Variants in SLCO1C1 observed in about 807,000 individuals in gnomAD.
SLCO1C1 encodes the protein OAT-RP-5.
Under a neutral mutation model 76.4 loss-of-function variants are expected in SLCO1C1, and 70 were observed. The observed-to-expected ratio is 0.92, with a 90% confidence interval of 0.76 to 1.12. The LOEUF (loss-of-function observed/expected upper bound fraction) is 1.12, where lower values mean the gene tolerates loss of function less well. SLCO1C1 is among the 50% of genes most tolerant of loss of function. The pLI is 0.00. For missense variants in SLCO1C1, 912 were observed against 823.8 expected (o/e 1.11, Z -1.31); for synonymous variants, 306 against 286.1 (o/e 1.07, Z -0.70).
rs150378278 is a variant in SLCO1C1 at position 20,715,198 on chromosome 12, C to T, written c.589C>T (p.Arg197Cys). ...TTATGTTTTCCTGGGCAATCTTCTTCGTGGAATAGGAGAAACTCCCATTCA... is the reference window on the plus strand; with the variant it reads ...TTATGTTTTCCTGGGCAATCTTCTTTGTGGAATAGGAGAAACTCCCATTCA... Reference protein sequence around the residue: ...WIYVFLGNLLRGIGETPIQPL... With the variant: ...WIYVFLGNLLCGIGETPIQPL... The change falls in exon 6 of 15, where the codon CGT becomes TGT. Residue 197 changes from arginine to cysteine, a missense_variant. Transcript: ENST00000266509. 5.0e-6 allele frequency: 8 copies of T among 1,614,078 alleles called. No individual in the cohort carries two copies. The African/African-American group carries it at 5.3e-5, about 11-fold the overall frequency.
Position 20,753,154 on chromosome 12 carries a change from C to T in SLCO1C1, c.*626C>T, listed in dbSNP as rs781006558. On this transcript the variant is annotated 3_prime_UTR_variant, in exon 15 of 15. Coordinates refer to ENST00000266509, the MANE Select transcript of SLCO1C1 (RefSeq NM_017435.5). ...CTCTCCTACTATTAATTTACATGTG[C>T]TTTTTGTGTGGCGCTATAAGTGACT... 2 of 152,100 alleles carry T rather than the reference C, an allele frequency of 1.3e-5. No homozygotes were observed. The highest frequency in any genetic ancestry group is 2.9e-5 in the Non-Finnish European group (2 of 68,002). 9.4% of individuals were successfully genotyped at this position (152,100 alleles called of 1,614,324 possible). A position where few individuals can be genotyped will look rare whatever the true frequency, so the allele number is the denominator to read the frequency against.
chr12:20,710,271 G>A (rs1440586380), intron 4 of SLCO1C1, among the ~76,000 whole-genome samples: 2 of 140,278 alleles, frequency 1.4e-5, no homozygotes, highest in Non-Finnish European at 3.0e-5. Context: ...GCAATGGCGC[G>A]ATCTTGGCTC....
chr12:20,699,992 C>T (rs1946446055), intron 2 of SLCO1C1: 1 of 241,934 alleles, frequency 4.1e-6, no homozygotes, highest in African/African-American at 2.2e-5. Flanking sequence ...GATATTAAGC[C>T]AAGCACAGAT....
At position 20,723,034 on chromosome 12, in the gene SLCO1C1, T is replaced by A. The variant is rs543122656; in HGVS notation, c.1022-56T>A. The A allele has an allele frequency of 2.7e-6, 4 of 1,504,246 alleles. No individual in the cohort carries two copies. In the South Asian group the frequency reaches 4.9e-5, roughly 19 times the overall value. The allele number at this position is 1,504,246 out of a possible 1,614,324, so 93.2% of individuals were successfully genotyped here. On this transcript the variant is annotated intron_variant, in intron 8 of 14. Coordinates refer to ENST00000266509, the MANE Select transcript of SLCO1C1 (RefSeq NM_017435.5). ...TGTAAGTCCTGCCAGCACGGCTACT[T>A]CTTCTTCCATGCGTGACACCAACTT... is the stretch of plus-strand genomic sequence containing the variant.
intron 9 of SLCO1C1, among the ~76,000 whole-genome samples, chr12:20,729,997 T>C (rs953468174): frequency 6.6e-6 from 1 of 152,114 alleles, no homozygotes; most frequent in African/African-American, 2.4e-5. Flanking sequence ...TCTCAGGCTA[T>C]TCTAGGCTGC....
chr12:20,704,293 A>G (rs1946673804), intron 3 of SLCO1C1, among the ~76,000 whole-genome samples: 1 of 150,782 alleles, frequency 6.6e-6, no homozygotes, highest in Admixed American at 6.6e-5. Flanking sequence ...TGTCTTGTAT[A>G]TGACATGCCC....
intron 9 of SLCO1C1, among the ~76,000 whole-genome samples, chr12:20,729,471 C>A (rs1016771961): frequency 6.6e-6 from 1 of 151,834 alleles, no homozygotes; most frequent in Non-Finnish European, 1.5e-5. Context: ...TTGGAGGGTG[C>A]GATACATAAA....
intron 9 of SLCO1C1, among the ~76,000 whole-genome samples, chr12:20,724,445 ATATATATG>A (rs1565523774): frequency 2.3e-4 from 22 of 96,504 alleles, no homozygotes; most frequent in Non-Finnish European, 3.4e-4. Flanking sequence ...ATATATATAT[ATATATATG>A]TGTGTGTGTG....
At chr12:20,714,873 A>T (rs1347267547) in intron 5 of SLCO1C1, among the ~76,000 whole-genome samples, 2 of 152,206 alleles carry the variant, frequency 1.3e-5, no homozygotes, top group Non-Finnish European at 2.9e-5. Context: ...GAATGAAATG[A>T]GAAGAAGAGA....
At chr12:20,724,819 T>C (rs1947882354) in intron 9 of SLCO1C1, among the ~76,000 whole-genome samples, 1 of 146,680 alleles carries the variant, frequency 6.8e-6, no homozygotes, top group Non-Finnish European at 1.5e-5. Context: ...TTTCAACTAA[T>C]AGTTATTTAT....
rs766199523 is a variant in SLCO1C1, at chr12:20,740,241, G to A, written c.1606G>A (p.Gly536Ser). The change falls in exon 12 of 15, where the codon GGC becomes AGC. Residue 536 changes from glycine (G) to serine (S), a missense_variant. Coordinates refer to ENST00000266509, the MANE Select transcript of SLCO1C1 (RefSeq NM_017435.5). ...AGCTTCTAAATCCGGAAATTCCTCA[G>A]GCATAGTGGGAAGATGTCAGAAAGA... ...IAASKSGNSS[G>S]IVGRCQKDNG... 28 of 1,613,696 alleles carry A rather than the reference G, an allele frequency of 1.7e-5. No individual in the cohort carries two copies. The highest frequency in any genetic ancestry group is 2.3e-5 in the Non-Finnish European group (27 of 1,179,910).
intron 12 of SLCO1C1, among the ~76,000 whole-genome samples, 170 bp from the exon 13 acceptor site, chr12:20,743,135 T>C (rs957332957): frequency 2.0e-5 from 3 of 152,208 alleles, no homozygotes; most frequent in Non-Finnish European, 4.4e-5. Flanking sequence ...TGAAATGGAA[T>C]GTGGCTTTTA....
At chr12:20,698,439 G>A (rs2033684416) in intron 1 of SLCO1C1, among the ~76,000 whole-genome samples, 1 of 151,928 alleles carries the variant, frequency 6.6e-6, no homozygotes, top group Admixed American at 6.6e-5. Flanking sequence ...GAAGTCCTCT[G>A]ATGTTTTAAC....
rs145041088 is a variant in SLCO1C1, at chr12:20,723,638, T to A, written c.1186+384T>A. Among the ~76,000 whole-genome samples, 7 of 152,318 alleles carry A rather than the reference T, an allele frequency of 4.6e-5. No individual in the cohort carries two copies. In the East Asian group the frequency reaches 1.3e-3, roughly 29 times the overall value. On this transcript the variant is annotated intron_variant, in intron 9 of 14. Transcript: ENST00000266509. ...TCATTCCAAAACAAAACTTGTATTTTCGCGGTCAAAAAACTTTTCTGACTC... is the reference window on the plus strand; with the variant it reads ...TCATTCCAAAACAAAACTTGTATTTACGCGGTCAAAAAACTTTTCTGACTC...
At chr12:20,714,111 T>C (rs1334018087) in intron 5 of SLCO1C1, among the ~76,000 whole-genome samples, 1 of 151,994 alleles carries the variant, frequency 6.6e-6, no homozygotes, top group Non-Finnish European at 1.5e-5. Context: ...TGCAAAGGAG[T>C]CTTTTCTGTT....
intron 9 of SLCO1C1, 73 bp from the exon 10 acceptor site, chr12:20,732,836 T>C (rs1948352665): frequency 2.7e-6 from 4 of 1,490,714 alleles, no homozygotes; most frequent in South Asian, 1.2e-5. Flanking sequence ...AAATAGTCTT[T>C]AGAAAGTTTG....
chr12:20,750,533 G>A (rs1949250517), intron 13 of SLCO1C1, 142 bp from the exon 14 acceptor site: 3 of 705,682 alleles, frequency 4.3e-6, no homozygotes, highest in Non-Finnish European at 7.4e-6. Context: ...TAGAGAGATA[G>A]GTTTGGGAGA....
rs1592298924 is a variant in SLCO1C1, at chr12:20,733,013, T to C, written c.1291T>C (p.Ser431Pro). Residue 431 changes from serine to proline, a missense_variant, in exon 10 of 15, where the codon TCA becomes CCA. Ser to Pro is a moderately conservative substitution (Grantham distance 74, BLOSUM62 -1). Coordinates refer to ENST00000266509, the MANE Select transcript of SLCO1C1 (RefSeq NM_017435.5). ...TGGAGCTGCAAAACTCTACTTGGGATCATCTGTCTTTGGTTACCTCCTATT... is the reference window on the plus strand; with the variant it reads ...TGGAGCTGCAAAACTCTACTTGGGACCATCTGTCTTTGGTTACCTCCTATT... ...VCGAAKLYLG[S>P]SVFGYLLFLS... 6.2e-7 allele frequency: 1 copy of C among 1,613,804 alleles called. No homozygotes were observed. The highest frequency in any genetic ancestry group is 1.1e-5 in the South Asian group (1 of 91,012).
chr12:20,737,074 G>A (rs747338826), intron 10 of SLCO1C1, 33 bp from the exon 11 acceptor site: 76 of 1,446,278 alleles, frequency 5.3e-5, no homozygotes, highest in Non-Finnish European at 6.6e-5. Context: ...CCTGCTAAGA[G>A]GTAATATTTT....
Sources: allele counts gnomAD v4.1 joint callset (sites outside exome capture counted in the v4.1 genomes callset), GRCh38; gene constraint gnomAD v4.1.1; transcripts MANE v1.5; gene names NCBI Gene and HGNC (gene_info 2026-07-23, HGNC 2026-07-21).